TMOD2: variants seen among roughly 807,000 people sequenced by gnomAD.
TMOD2 encodes the protein tropomodulin-2.
In TMOD2, 22 loss-of-function variants were observed where a neutral mutation model predicts 39.9. The ratio of observed to expected loss-of-function variants is 0.55; its 90% CI spans 0.39 to 0.79. The LOEUF (loss-of-function observed/expected upper bound fraction) is 0.79. Ranked by LOEUF, TMOD2 falls within the 30% of genes least tolerant of loss-of-function variation. TMOD2 has a pLI of 0.00. For missense variants in TMOD2, 386 were observed against 413.3 expected (o/e 0.93, Z 0.57); for synonymous variants, 123 against 146.1 (o/e 0.84, Z 1.14).
At chr15:51,758,982 C>T (rs1245651687) in intron 1 of TMOD2, among the ~76,000 whole-genome samples, 1 of 152,218 alleles carries the variant, frequency 6.6e-6, no homozygotes, top group African/African-American at 2.4e-5. Flanking sequence ...TGAACCTTAT[C>T]CTCAAGGCAG....
rs372140666 is a variant in TMOD2 at position 51,806,386 on chromosome 15, T to G, written c.886T>G (p.Leu296Val). 29 of 1,614,008 alleles carry G rather than the reference T, an allele frequency of 1.8e-5. No individual in the cohort carries two copies. The highest frequency in any genetic ancestry group is 2.3e-5 in the Non-Finnish European group (27 of 1,180,000). ...EIKIDNQRQQ[L>V]GTAVEMEIAQ... Reference sequence around the variant, plus strand: ...CTGCACCTGCAACCAGAGGCAGCAGTTGGGAACAGCTGTAGAGATGGAAAT... The same window carrying G: ...CTGCACCTGCAACCAGAGGCAGCAGGTGGGAACAGCTGTAGAGATGGAAAT... The change falls in exon 9 of 10, where the codon TTG becomes GTG. Residue 296 changes from leucine to valine, a missense_variant. Leu to Val is a conservative substitution (Grantham distance 32, BLOSUM62 1). Coordinates refer to ENST00000249700, the MANE Select transcript of TMOD2 (RefSeq NM_014548.4).
intron 6 of TMOD2, 97 bp from the exon 7 acceptor site, chr15:51,782,624 T>C: frequency 3.3e-6 from 3 of 921,464 alleles, no homozygotes; most frequent in Non-Finnish European, 5.1e-6. Flanking sequence ...CGTGTATTTA[T>C]CTACACATAC....
intron 7 of TMOD2, among the ~76,000 whole-genome samples, chr15:51,788,077 A>T (rs919314501): frequency 6.6e-6 from 1 of 152,234 alleles, no homozygotes; most frequent in African/African-American, 2.4e-5. Context: ...AGCATGTTCT[A>T]ATCCATTGCA....
intron 2 of TMOD2, 115 bp from the exon 3 acceptor site, chr15:51,768,147 C>A: frequency 8.2e-7 from 1 of 1,223,044 alleles, no homozygotes; most frequent in Non-Finnish European, 1.2e-6. Context: ...CACGCACATT[C>A]TGCGTAGGTA....
At chr15:51,771,871 C>T (rs1279351886) in intron 3 of TMOD2, among the ~76,000 whole-genome samples, 1 of 152,108 alleles carries the variant, frequency 6.6e-6, no homozygotes, top group Non-Finnish European at 1.5e-5. Flanking sequence ...AGTGTATTTT[C>T]CTTCTTTCTG....
intron 8 of TMOD2, among the ~76,000 whole-genome samples, chr15:51,802,373 A>G (rs1186540452): frequency 1.1e-4 from 17 of 152,224 alleles, no homozygotes; most frequent in Admixed American, 1.1e-3. Flanking sequence ...AATAGAGAAA[A>G]CCCTAAAGAA....
intron 5 of TMOD2, among the ~76,000 whole-genome samples, chr15:51,778,654 T>C (rs1209148362): frequency 7.8e-6 from 1 of 128,246 alleles, no homozygotes; most frequent in Middle Eastern, 3.4e-3. Context: ...TTTTTTTTTT[T>C]TTTTTTTTTT....
At position 51,813,465 on chromosome 15, in the gene TMOD2, A is replaced by G. The variant is rs193220348; in HGVS notation, c.*5011A>G. 194 of 152,318 alleles carry G rather than the reference A, an allele frequency of 1.3e-3. No homozygotes were observed. In the Middle Eastern group the frequency reaches 0.014, roughly 11 times the overall value. 9.4% of individuals were successfully genotyped at this position (152,318 alleles called of 1,614,324 possible). ...ACTAGATGTTCTTCTGATCTCTTCC[A>G]TGGTAGACATTCTGAGCACATTGGC... On this transcript the variant is annotated 3_prime_UTR_variant, in exon 10 of 10. Coordinates refer to ENST00000249700, the MANE Select transcript of TMOD2 (RefSeq NM_014548.4).
chr15:51,767,324 C>A (rs1011166153), intron 2 of TMOD2, among the ~76,000 whole-genome samples: 2 of 152,200 alleles, frequency 1.3e-5, no homozygotes, highest in African/African-American at 4.8e-5. Flanking sequence ...CCACACCCGG[C>A]CCCAAACGCA....
chr15:51,791,652 A>G (rs914212307), intron 7 of TMOD2, among the ~76,000 whole-genome samples: 8 of 152,228 alleles, frequency 5.3e-5, no homozygotes, highest in African/African-American at 1.7e-4. Context: ...TGGTACCAAA[A>G]CAGATACATA....
At chr15:51,754,471 C>G (rs1235256632) in intron 1 of TMOD2, among the ~76,000 whole-genome samples, 1 of 152,138 alleles carries the variant, frequency 6.6e-6, no homozygotes, top group Non-Finnish European at 1.5e-5. Flanking sequence ...GTTACCAGAC[C>G]ACGAAAACAG....
chr15:51,769,608 G>T (rs766688152), intron 3 of TMOD2, among the ~76,000 whole-genome samples: 8 of 152,208 alleles, frequency 5.3e-5, no homozygotes, highest in Non-Finnish European at 1.5e-5. Context: ...CCGACCCTGT[G>T]CTCCCCTTGG....
intron 1 of TMOD2, among the ~76,000 whole-genome samples, chr15:51,757,757 G>A (rs905188688): frequency 2.0e-5 from 3 of 152,222 alleles, no homozygotes; most frequent in Non-Finnish European, 4.4e-5. Flanking sequence ...CAGCCTTGGT[G>A]GGGGCAAAAG....
rs1473344056 is a variant in TMOD2 at position 51,768,173 on chromosome 15, C to G, written c.127-89C>G. The G allele has an allele frequency of 2.0e-6, 3 of 1,492,428 alleles. No homozygotes were observed. The East Asian group carries it at 6.8e-5, about 34-fold the overall frequency. The allele number at this position is 1,492,428 out of a possible 1,614,324, so 92.4% of individuals were successfully genotyped here. ...TGCGTAGGTATCCTTCCTGCTTCCC[C>G]AGCACATAGTGAGTGGGGGTGGAAG... On this transcript the variant is annotated intron_variant, in intron 2 of 9. Transcript: ENST00000249700.
intron 7 of TMOD2, chr15:51,783,631 C>G (rs200198165): frequency 6.6e-6 from 1 of 152,120 alleles, no homozygotes; most frequent in Non-Finnish European, 1.5e-5. Flanking sequence ...ACGTACACCT[C>G]TGGTCCCAGC....
At chr15:51,789,088 C>T (rs1219289402) in intron 7 of TMOD2, among the ~76,000 whole-genome samples, 2 of 152,148 alleles carry the variant, frequency 1.3e-5, no homozygotes, top group African/African-American at 4.8e-5. Flanking sequence ...AGTCAAGACC[C>T]ATCAGTGTGC....
Position 51,808,523 on chromosome 15 carries a change from C to T in TMOD2, c.*69C>T, listed in dbSNP as rs1396529090. On this transcript the variant is annotated 3_prime_UTR_variant, in exon 10 of 10. Transcript: ENST00000249700. ...GAAAAACAAAAACTCTTCTTCTTCC[C>T]CATCAGGACCATTTTATCAAAGTTC... The T allele has an allele frequency of 9.5e-6, 12 of 1,269,766 alleles. No homozygotes were observed. The Admixed American group carries it at 2.5e-4, about 26-fold the overall frequency. 78.7% of individuals were successfully genotyped at this position (1,269,766 alleles called of 1,614,324 possible).
chr15:51,805,169 G>A (rs1447271650), intron 8 of TMOD2, among the ~76,000 whole-genome samples: 3 of 151,110 alleles, frequency 2.0e-5, no homozygotes, highest in Admixed American at 6.6e-5. Flanking sequence ...CATGTTGCCC[G>A]GGCTGGTCTC....
intron 7 of TMOD2, among the ~76,000 whole-genome samples, chr15:51,793,517 A>G (rs931953698): frequency 1.3e-5 from 2 of 152,190 alleles, no homozygotes; most frequent in African/African-American, 4.8e-5. Flanking sequence ...ATACAATCCT[A>G]TAAAGTACAG....
Sources: gnomAD v4.1 joint callset for allele counts (sites outside exome capture counted in the v4.1 genomes callset) on GRCh38, gnomAD v4.1.1 for gene constraint, MANE v1.5 for transcripts, NCBI Gene and HGNC (gene_info 2026-07-23, HGNC 2026-07-21) for gene names.